The following BCAR1 variants were observed in gnomAD, a reference collection of about 807,000 sequenced individuals.
BCAR1 encodes the protein breast cancer anti-estrogen resistance protein 1.
In BCAR1, 30 loss-of-function variants were observed where a neutral mutation model predicts 67.6. The observed-to-expected ratio is 0.44, with a 90% CI of 0.33 to 0.60. BCAR1 has a LOEUF of 0.60. Ranked by LOEUF, BCAR1 falls within the 20% of genes least tolerant of loss-of-function variation. The probability of loss-of-function intolerance (pLI) is 0.02; values close to 1 mark genes in which losing one functional copy is unlikely to be tolerated. For synonymous variants in BCAR1, 626 were observed against 556.7 expected, an observed-to-expected ratio of 1.12 and a Z score of -1.75; for missense variants, 1,313 against 1,222.3, an observed-to-expected ratio of 1.07 and a Z score of -1.11.
At chr16:75,231,597 T>C (rs1236710559) in intron 6 of BCAR1, among the ~76,000 whole-genome samples, 1 of 152,268 alleles carries the variant, frequency 6.6e-6, no homozygotes, top group Non-Finnish European at 1.5e-5. Context: ...CTTGGAATTC[T>C]ACATCTTTAA....
At chr16:75,267,706 C>T (rs1439959037) in intron 1 of BCAR1, among the ~76,000 whole-genome samples, 3 of 152,088 alleles carry the variant, frequency 2.0e-5, no homozygotes, top group Non-Finnish European at 2.9e-5. Flanking sequence ...CTAGGTGCCC[C>T]AGCCAGAATG....
chr16:75,264,763 C>A, intron 1 of BCAR1: 1 of 767,924 alleles, frequency 1.3e-6, no homozygotes, highest in Non-Finnish European at 1.7e-6. Flanking sequence ...GCCTGCTTCA[C>A]GGAAAGGATG....
chr16:75,247,928 G>A, intron 1 of BCAR1: 2 of 765,742 alleles, frequency 2.6e-6, no homozygotes, highest in South Asian at 2.9e-5. Flanking sequence ...GGGTAATAGT[G>A]CCACACTTGT....
At chr16:75,267,959 G>A in exon 1 of BCAR1, 4 of 1,601,992 alleles carry the variant, frequency 2.5e-6, no homozygotes, top group Non-Finnish European at 3.4e-6. Context: ...GCAGCCAGAG[G>A]AGCCTCACCA....
At position 75,236,852 on chromosome 16, in the gene BCAR1, G is replaced by GGCCCTGGCATT. The variant is rs747078851; in HGVS notation, c.912+19_912+29dup. ...CCCAGACACCCCACAGCCTCAGCCT[G>GGCCCTGGCATT]GCCCTGGCATTGCCCTGGCATTTGC... On this transcript the variant is annotated intron_variant, in intron 4 of 6. Coordinates refer to ENST00000162330, the MANE Select transcript of BCAR1 (RefSeq NM_014567.5). 41 of 1,606,768 alleles carry GGCCCTGGCATT rather than the reference G, an allele frequency of 2.6e-5. No individual in the cohort carries two copies. In the East Asian group the frequency reaches 9.2e-4, roughly 36 times the overall value.
At chr16:75,253,106 C>A (rs567199365), upstream of BCAR1, among the ~76,000 whole-genome samples, 6 of 151,846 alleles carry the variant, frequency 4.0e-5, no homozygotes, top group South Asian at 6.3e-4. Flanking sequence ...TGTGCCTCCC[C>A]GACACAGCCC....
rs545408942 is a variant in BCAR1, at chr16:75,263,106, G to A, written c.66+4809C>T. The stretch of plus-strand genomic sequence containing the variant: ...TCCTGAGCCCAGTGCCCAGCACACA[G>A]GGCGGCATCCCTGAAAGGAGCCATC... On this transcript the variant is annotated intron_variant, in intron 1 of 6. Transcript: ENST00000393422. The A allele has an allele frequency of 5.5e-6, 4 of 731,896 alleles. No homozygotes were observed. The South Asian group carries it at 1.8e-4, about 34-fold the overall frequency. The allele number at this position is 731,896 out of a possible 1,614,324, so 45.3% of individuals were successfully genotyped here.
At chr16:75,265,411 C>G (rs2077985657) in intron 1 of BCAR1, among the ~76,000 whole-genome samples, 1 of 152,136 alleles carries the variant, frequency 6.6e-6, no homozygotes. Context: ...TCCGGCCCAG[C>G]AGTCCCGGAG....
chr16:75,235,182 G>A lies in BCAR1; in HGVS notation c.1717C>T (p.Leu573Phe), dbSNP rs373759792. 6.1e-5 allele frequency: 98 copies of A among 1,608,940 alleles called. No individual in the cohort carries two copies. Among genetic ancestry groups the A allele is most frequent in the Non-Finnish European group, 7.7e-5 (91 of 1,179,614 alleles). Reference protein sequence around the residue: ...DAGRGGSGATLEDLDRLVACS... With the variant: ...DAGRGGSGATFEDLDRLVACS... ...GCCACCAGCCGGTCCAGGTCCTCAA[G>A]GGTGGCTCCAGAGCCTCCCCGGCCA... is the stretch of plus-strand genomic sequence containing the variant. Residue 573 changes from leucine to phenylalanine, a missense_variant, in exon 5 of 7, where the codon CTT becomes TTT. By Grantham distance (22) the Leu-to-Phe change is conservative (BLOSUM62 0). Transcript: ENST00000162330.
chr16:75,248,006 G>C, intron 1 of BCAR1: 4 of 1,114,310 alleles, frequency 3.6e-6, no homozygotes, highest in Non-Finnish European at 5.4e-6. Flanking sequence ...TTCCCACACA[G>C]CCACCAGCTC....
At chr16:75,266,562 A>G (rs2078012334) in intron 1 of BCAR1, among the ~76,000 whole-genome samples, 1 of 151,972 alleles carries the variant, frequency 6.6e-6, no homozygotes, top group Admixed American at 6.6e-5. Context: ...AACACCCCCA[A>G]TTTCAGCTGT....
chr16:75,265,976 G>A (rs923844750), intron 1 of BCAR1: 1 of 1,059,302 alleles, frequency 9.4e-7, no homozygotes, highest in Non-Finnish European at 1.1e-6. Context: ...CCGGACGCCG[G>A]ACTGTCCGGC....
chr16:75,231,822 G>A (rs185751313), intron 6 of BCAR1, among the ~76,000 whole-genome samples: 26 of 152,320 alleles, frequency 1.7e-4, no homozygotes, highest in African/African-American at 6.0e-4. Context: ...CTGAAAACAC[G>A]GCGATCCCAG....
At chr16:75,238,074 TC>T in intron 2 of BCAR1, 2 of 1,288,836 alleles carry the variant, frequency 1.6e-6, no homozygotes, top group South Asian at 2.5e-5. Flanking sequence ...AGCCCTCCCC[TC>T]CCCAGGTGCT....
chr16:75,251,232 G>C (rs941303596), intron 1 of BCAR1, among the ~76,000 whole-genome samples: 1 of 151,880 alleles, frequency 6.6e-6, no homozygotes, highest in African/African-American at 2.4e-5. Context: ...CCCTCCTACC[G>C]GCTGGCGGCC....
At position 75,235,454 on chromosome 16, in the gene BCAR1, C is replaced by G. The variant is rs751304195; in HGVS notation, c.1445G>C (p.Gly482Ala). Reference protein sequence around the residue: ...ATVAHLLDLAGSAGATGSWRS... With the variant: ...ATVAHLLDLAASAGATGSWRS... ...CCAGCTCCCAGTCGCACCGGCGCTG[C>G]CTGCCAGGTCCAGAAGGTGGGCAAC... The change falls in exon 5 of 7, where the codon GGC becomes GCC. Residue 482 changes from glycine (G) to alanine (A), a missense_variant. By Grantham distance (60) the Gly-to-Ala change is moderately conservative. This residue lies in a region of BCAR1 where 1,272 missense variants were observed against 1,137.5 expected (regional missense o/e 1.12). Coordinates refer to ENST00000162330, the MANE Select transcript of BCAR1 (RefSeq NM_014567.5). 3.7e-6 allele frequency: 6 copies of G among 1,607,154 alleles called. No individual in the cohort carries two copies. The highest frequency in any genetic ancestry group is 1.3e-5 in the African/African-American group (1 of 74,854).
chr16:75,234,851 G>C, intron 5 of BCAR1, 38 bp downstream of exon 5: 2 of 1,516,032 alleles, frequency 1.3e-6, no homozygotes, highest in East Asian at 4.5e-5. Flanking sequence ...AGCCCAGCGT[G>C]GCAGAAGAGG....
chr16:75,236,674 G>C (rs1397985108), intron 4 of BCAR1: 5 of 1,052,538 alleles, frequency 4.8e-6, no homozygotes, highest in East Asian at 5.9e-5. Context: ...AGAAGGCCTC[G>C]CAACAGGCGG....
intron 1 of BCAR1, chr16:75,249,657 G>C (rs1356333008): frequency 1.3e-5 from 2 of 152,314 alleles, no homozygotes; most frequent in Non-Finnish European, 1.5e-5. Context: ...TTAGCCGGCT[G>C]TGGGCTCCTG....
Sources: gnomAD v4.1 joint callset for allele counts (sites outside exome capture counted in the v4.1 genomes callset) on GRCh38, gnomAD v4.1.1 for gene constraint, gnomAD v4.1.1 regional missense constraint, MANE v1.5 for transcripts, NCBI Gene and HGNC (gene_info 2026-07-23, HGNC 2026-07-21) for gene names.